MLLT3: variants seen among roughly 807,000 people sequenced by gnomAD.
MLLT3 encodes the protein protein AF-9.
In MLLT3, 4 loss-of-function variants were observed where a neutral mutation model predicts 53.2. The observed-to-expected ratio is 0.08, with a 90% CI of 0.04 to 0.17. The LOEUF is 0.17. Among genes scored for constraint, MLLT3 ranks in the 10% least tolerant of loss-of-function variants. The pLI is 1.00. For missense variants in MLLT3, 569 were observed against 684.0 expected, an observed-to-expected ratio of 0.83 and a Z score of 1.87; for synonymous variants, 283 against 230.6, an observed-to-expected ratio of 1.23 and a Z score of -2.06.
At chr9:20,590,898 C>T (rs1563833790) in intron 2 of MLLT3, among the ~76,000 whole-genome samples, 1 of 137,366 alleles carries the variant, frequency 7.3e-6, no homozygotes, top group Non-Finnish European at 1.6e-5. Context: ...CATCACCATA[C>T]TTAGCTAATT....
Position 20,621,505 on chromosome 9 carries a change from C to T in MLLT3, c.13-671G>A, listed in dbSNP as rs1759759552. Among the ~76,000 whole-genome samples, 1 of 152,132 alleles carries T rather than the reference C, an allele frequency of 6.6e-6. No homozygotes were observed. Among genetic ancestry groups the T allele is most frequent in the South Asian group, 2.1e-4 (1 of 4,820 alleles). On this transcript the variant is annotated intron_variant, in intron 1 of 10. Transcript: ENST00000380338. The surrounding 1 kb of genome is among the most constrained non-coding windows in gnomAD (Gnocchi z 7.0). ...CGAGGCATCCATAACTTAGAGCACCCCGCACCCCCCAGCGAAAAGCCCCAC... is the reference window on the plus strand; with the variant it reads ...CGAGGCATCCATAACTTAGAGCACCTCGCACCCCCCAGCGAAAAGCCCCAC...
chr9:20,464,704 A>T (rs770034634), intron 2 of MLLT3, among the ~76,000 whole-genome samples: 2 of 152,038 alleles, frequency 1.3e-5, no homozygotes, highest in Non-Finnish European at 2.9e-5. Flanking sequence ...GGAAAAAATG[A>T]CATTTATATT....
intron 2 of MLLT3, among the ~76,000 whole-genome samples, chr9:20,587,295 T>TTC (rs1819997013): frequency 6.6e-6 from 1 of 152,166 alleles, no homozygotes. Context: ...TATAATCTTT[T>TTC]TCTTTATTCA....
intron 2 of MLLT3, among the ~76,000 whole-genome samples, chr9:20,468,888 C>T (rs1824301487): frequency 6.6e-6 from 1 of 152,106 alleles, no homozygotes; most frequent in Admixed American, 6.5e-5. Context: ...GATCAGGAAA[C>T]TGAGACAAAA....
chr9:20,411,673 C>T (rs947762336), intron 5 of MLLT3: 5 of 152,184 alleles, frequency 3.3e-5, no homozygotes, highest in Admixed American at 2.0e-4. Context: ...TCTAACTCTT[C>T]ATTCCAGAAG....
chr9:20,609,381 T>C (rs552035483), intron 2 of MLLT3, among the ~76,000 whole-genome samples: 2 of 152,236 alleles, frequency 1.3e-5, no homozygotes, highest in South Asian at 2.1e-4. Flanking sequence ...AAAAATTTCA[T>C]ATACTTTCTT....
chr9:20,573,728 G>C lies in MLLT3; in HGVS notation c.193+46926C>G, dbSNP rs575306558. 5.9e-5 allele frequency among the ~76,000 whole-genome samples: 9 copies of C among 152,200 alleles called. No homozygotes were observed. The South Asian group carries it at 1.9e-3, about 32-fold the overall frequency. On this transcript the variant is annotated intron_variant, in intron 2 of 10. Coordinates refer to ENST00000380338, the MANE Select transcript of MLLT3 (RefSeq NM_004529.4). ...GGAATCATGTTGCTACCTCCAAAAA[G>C]GCTTTGAAAAACTGGAACATAATAA...
At chr9:20,388,415 C>A (rs562203639) in intron 5 of MLLT3, among the ~76,000 whole-genome samples, 37 of 152,094 alleles carry the variant, frequency 2.4e-4, no homozygotes, top group Admixed American at 1.3e-3. Flanking sequence ...GGTGAAACCC[C>A]GTCTCTACTA....
intron 2 of MLLT3, among the ~76,000 whole-genome samples, chr9:20,591,048 C>T (rs1357280778): frequency 6.6e-6 from 1 of 152,178 alleles, no homozygotes; most frequent in African/African-American, 2.4e-5. Flanking sequence ...CTGTACCTAG[C>T]CTTGACAGTT....
intron 5 of MLLT3, among the ~76,000 whole-genome samples, chr9:20,397,993 C>T (rs1032075449): frequency 2.0e-5 from 3 of 152,126 alleles, no homozygotes; most frequent in Admixed American, 6.5e-5. Flanking sequence ...TGTCACTATG[C>T]TAGTGTTCAA....
chr9:20,484,613 A>T (rs1824759206), intron 2 of MLLT3, among the ~76,000 whole-genome samples: 1 of 152,132 alleles, frequency 6.6e-6, no homozygotes, highest in Non-Finnish European at 1.5e-5. Flanking sequence ...TACCGCCATG[A>T]TTTCTCTGCA....
At chr9:20,454,276 C>T (rs562827521) in intron 3 of MLLT3, among the ~76,000 whole-genome samples, 1 of 151,744 alleles carries the variant, frequency 6.6e-6, no homozygotes, top group South Asian at 2.1e-4. Flanking sequence ...CGTGTGTGTG[C>T]GTGCGCGTAT....
intron 2 of MLLT3, among the ~76,000 whole-genome samples, chr9:20,486,640 A>T (rs995365273): frequency 6.6e-6 from 1 of 152,192 alleles, no homozygotes; most frequent in Non-Finnish European, 1.5e-5. Flanking sequence ...CACTCCTACA[A>T]TGCAAATTGG....
chr9:20,354,704 T>G (rs1587145005), intron 9 of MLLT3, 104 bp downstream of exon 9: 1 of 773,240 alleles, frequency 1.3e-6, no homozygotes, highest in Non-Finnish European at 2.2e-6. Context: ...GACACTTTGA[T>G]GAAGAAAATG....
chr9:20,357,211 G>A (rs189741803), intron 8 of MLLT3, among the ~76,000 whole-genome samples: 5 of 152,214 alleles, frequency 3.3e-5, no homozygotes, highest in Admixed American at 2.0e-4. Flanking sequence ...ATATTAACCC[G>A]GGTCCAATGG....
At chr9:20,560,065 T>A (rs905536429) in intron 2 of MLLT3, among the ~76,000 whole-genome samples, 6 of 152,182 alleles carry the variant, frequency 3.9e-5, no homozygotes, top group African/African-American at 1.4e-4. Context: ...TCAAGCAGTC[T>A]CAGGTGTTGT....
intron 2 of MLLT3, among the ~76,000 whole-genome samples, chr9:20,575,794 T>A (rs1587088238): frequency 6.6e-6 from 1 of 152,100 alleles, no homozygotes; most frequent in Non-Finnish European, 1.5e-5. Flanking sequence ...ACAGGCAGAG[T>A]AGATTTAGCA....
At chr9:20,611,465 A>G (rs916980992) in intron 2 of MLLT3, among the ~76,000 whole-genome samples, 2 of 152,208 alleles carry the variant, frequency 1.3e-5, no homozygotes, top group East Asian at 3.9e-4. Context: ...AATAACTAAT[A>G]ATTTCTACTG....
At chr9:20,351,098 T>C (rs1403625394) in intron 10 of MLLT3, among the ~76,000 whole-genome samples, 1 of 152,182 alleles carries the variant, frequency 6.6e-6, no homozygotes, top group Non-Finnish European at 1.5e-5. Context: ...GGCTCCAATC[T>C]ACAAGGGGTG....
Sources: gnomAD v4.1 joint callset for allele counts (sites outside exome capture counted in the v4.1 genomes callset) on GRCh38, gnomAD v4.1.1 for gene constraint, Gnocchi (gnomAD v3.1) non-coding constraint, MANE v1.5 for transcripts, NCBI Gene and HGNC (gene_info 2026-07-23, HGNC 2026-07-21) for gene names.